The following CACNA1C variants were observed in gnomAD, a reference collection of about 807,000 sequenced individuals.
CACNA1C encodes the protein voltage-dependent L-type calcium channel subunit alpha-1C.
Under a neutral mutation model 229.0 loss-of-function variants are expected in CACNA1C, and 30 were observed. The ratio of observed to expected loss-of-function variants is 0.13; its 90% CI spans 0.10 to 0.18. The LOEUF (loss-of-function observed/expected upper bound fraction) is 0.18, where lower values mean the gene tolerates loss of function less well. Among genes scored for constraint, CACNA1C ranks in the 10% least tolerant of loss-of-function variants. The pLI, the probability that CACNA1C is intolerant of heterozygous loss-of-function variation, is 1.00. For synonymous variants in CACNA1C, 1,114 were observed against 1,132.5 expected (o/e 0.98, Z 0.33); for missense variants, 1,658 against 2,845.0 (o/e 0.58, Z 9.49).
intron 13 of CACNA1C, among the ~76,000 whole-genome samples, chr12:2,569,687 T>G (rs909699662): frequency 3.3e-5 from 5 of 152,264 alleles, no homozygotes; most frequent in Admixed American, 1.3e-4. Flanking sequence ...TGTGTATTCA[T>G]GTATCAGTGA....
At chr12:2,388,687 G>T (rs1022849623) in intron 3 of CACNA1C, among the ~76,000 whole-genome samples, 1 of 152,184 alleles carries the variant, frequency 6.6e-6, no homozygotes, top group Non-Finnish European at 1.5e-5. Context: ...TCTAAGTGCA[G>T]TTGATCAGTT....
rs1318103100 is a variant in CACNA1C at position 1,971,020 on chromosome 12, A to G, written c.-43A>G. On this transcript the variant is annotated 5_prime_UTR_variant, in exon 1 of 47. Transcript: ENST00000682462. This position sits in a 1 kb window ranked among gnomAD's most constrained non-coding sequence, Gnocchi z 4.2. ...GAGATCATGAGCAGGATAATTATTT[A>G]GCTTTAAAAATCAACCAATTAATAT... 1.4e-5 allele frequency: 17 copies of G among 1,225,646 alleles called. No homozygotes were observed. In the South Asian group the frequency reaches 2.2e-4, roughly 16 times the overall value. The allele number at this position is 1,225,646 out of a possible 1,614,324, so 75.9% of individuals were successfully genotyped here. A position where few individuals can be genotyped will look rare whatever the true frequency, so the allele number is the denominator to read the frequency against.
At chr12:2,210,529 G>T (rs766063249) in intron 3 of CACNA1C, among the ~76,000 whole-genome samples, 18 of 152,174 alleles carry the variant, frequency 1.2e-4, no homozygotes, top group Admixed American at 2.0e-4. Context: ...GGAAATTGGT[G>T]GGGGGTTTGT....
At chr12:2,463,637 G>A (rs1019021826) in intron 5 of CACNA1C, among the ~76,000 whole-genome samples, 1 of 152,188 alleles carries the variant, frequency 6.6e-6, no homozygotes, top group Non-Finnish European at 1.5e-5. Context: ...TGAAGGATGA[G>A]TGAGGAGAGG....
Position 2,034,526 on chromosome 12 carries a change from G to A in CACNA1C, c.139+63325G>A, listed in dbSNP as rs1023102331. ...ACTAAGGTTGAGGGTACTGTGGTGGGTATTTAATACTAAGAGTCCCTCTTA... is the reference window on the plus strand; with the variant it reads ...ACTAAGGTTGAGGGTACTGTGGTGGATATTTAATACTAAGAGTCCCTCTTA... On this transcript the variant is annotated intron_variant, in intron 1 of 46. Coordinates refer to the CACNA1C transcript ENST00000682462. The surrounding 1 kb of genome is among the most constrained non-coding windows in gnomAD (Gnocchi z 4.1). Among the ~76,000 whole-genome samples, 3 of 152,166 alleles carry A rather than the reference G, an allele frequency of 2.0e-5. No individual in the cohort carries two copies. Among genetic ancestry groups the A allele is most frequent in the African/African-American group, 7.2e-5 (3 of 41,434 alleles).
chr12:2,284,482 G>T (rs184059330), intron 3 of CACNA1C, among the ~76,000 whole-genome samples: 1 of 152,270 alleles, frequency 6.6e-6, no homozygotes, highest in East Asian at 1.9e-4. Context: ...GGACCCAGGC[G>T]CAGCACAGAA....
Position 2,467,881 on chromosome 12 carries a change from C to A in CACNA1C, c.757+10175C>A, listed in dbSNP as rs2099568895. Reference sequence around the variant, plus strand: ...ACCCTGCTGCGACTTCTCTGTTGCCCTGCCAGGTGCTTTGCCTCGGTTTCT... The same window carrying A: ...ACCCTGCTGCGACTTCTCTGTTGCCATGCCAGGTGCTTTGCCTCGGTTTCT... On this transcript the variant is annotated intron_variant, in intron 5 of 46. Transcript: ENST00000399655. The surrounding 1 kb of genome is among the most constrained non-coding windows in gnomAD (Gnocchi z 4.6). 1.3e-5 allele frequency among the ~76,000 whole-genome samples: 2 copies of A among 152,224 alleles called. No homozygotes were observed. The highest frequency in any genetic ancestry group is 4.1e-4 in the South Asian group (2 of 4,830).
intron 3 of CACNA1C, among the ~76,000 whole-genome samples, chr12:2,130,218 C>T (rs1251817329): frequency 2.7e-5 from 4 of 147,094 alleles, no homozygotes; most frequent in Non-Finnish European, 6.0e-5. Flanking sequence ...TTTTTTAATG[C>T]CAAACATTAC....
At chr12:2,683,778 C>T (rs1179586514) in intron 43 of CACNA1C, among the ~76,000 whole-genome samples, 1 of 152,202 alleles carries the variant, frequency 6.6e-6, no homozygotes. Context: ...TGCTGGGGGG[C>T]TGTGCCACCT....
At chr12:2,166,931 C>T (rs1254097258) in intron 3 of CACNA1C, among the ~76,000 whole-genome samples, 1 of 152,194 alleles carries the variant, frequency 6.6e-6, no homozygotes, top group Admixed American at 6.5e-5. Context: ...CAGAAATAAC[C>T]TACACCAGAC....
At chr12:2,676,337 A>C (rs1603448047) in intron 39 of CACNA1C, 1 of 152,040 alleles carries the variant, frequency 6.6e-6, no homozygotes, top group African/African-American at 2.4e-5. Context: ...GAGAACCCTC[A>C]CCAGCCCCTA....
chr12:2,673,923 T>C (rs2096670433), intron 38 of CACNA1C, among the ~76,000 whole-genome samples: 1 of 152,246 alleles, frequency 6.6e-6, no homozygotes, highest in African/African-American at 2.4e-5. Flanking sequence ...ATGAGGAGCA[T>C]CTTAGAATCC....
intron 3 of CACNA1C, among the ~76,000 whole-genome samples, chr12:2,239,779 T>A (rs1334611656): frequency 6.6e-6 from 1 of 152,136 alleles, no homozygotes; most frequent in East Asian, 1.9e-4. Flanking sequence ...GGCTCAGCCA[T>A]TGCGCCCATC....
At chr12:2,312,543 T>A (rs1292711591) in intron 3 of CACNA1C, among the ~76,000 whole-genome samples, 1 of 152,100 alleles carries the variant, frequency 6.6e-6, no homozygotes, top group African/African-American at 2.4e-5. Flanking sequence ...CGCCAGAACC[T>A]CCTCCTCTTC....
intron 3 of CACNA1C, among the ~76,000 whole-genome samples, chr12:2,374,714 T>C (rs1263678632): frequency 6.6e-6 from 1 of 152,228 alleles, no homozygotes; most frequent in East Asian, 1.9e-4. Context: ...AGAATACTAA[T>C]AGTAGGTGAT....
chr12:2,561,448 G>A (rs996154460), intron 11 of CACNA1C, among the ~76,000 whole-genome samples: 4 of 152,198 alleles, frequency 2.6e-5, no homozygotes, highest in East Asian at 1.9e-4. Flanking sequence ...TGCCTAGCCC[G>A]TGGTCAGTGT....
At position 2,491,744 on chromosome 12, in the gene CACNA1C, C is replaced by G. The variant is rs1031088950; in HGVS notation, c.917-1446C>G. ...GACTCTATTCTCCTAAGAATTATCT[C>G]TTACTTAAGGATTAATATTTCTCTT... On this transcript the variant is annotated intron_variant, in intron 6 of 46. Transcript: ENST00000399655. Among the ~76,000 whole-genome samples the G allele has an allele frequency of 2.0e-5, 3 of 152,296 alleles. No individual in the cohort carries two copies. In the East Asian group the frequency reaches 5.8e-4, roughly 29 times the overall value.
chr12:2,252,503 G>A (rs1331723212), intron 3 of CACNA1C, among the ~76,000 whole-genome samples: 2 of 152,172 alleles, frequency 1.3e-5, no homozygotes, highest in Non-Finnish European at 2.9e-5. Context: ...TGCAGCTGAG[G>A]CTAAGAAGCC....
chr12:2,357,994 G>A (rs1048838534), intron 3 of CACNA1C, among the ~76,000 whole-genome samples: 2 of 145,486 alleles, frequency 1.4e-5, no homozygotes, highest in Admixed American at 6.9e-5. Context: ...AAAAAAAATC[G>A]CAACAAAACA....
Sources: gnomAD v4.1 joint callset for allele counts (sites outside exome capture counted in the v4.1 genomes callset) on GRCh38, gnomAD v4.1.1 for gene constraint, Gnocchi (gnomAD v3.1) non-coding constraint, MANE v1.5 for transcripts, NCBI Gene and HGNC (gene_info 2026-07-23, HGNC 2026-07-21) for gene names.